The following MCPH1 variants were observed in gnomAD, a reference collection of about 807,000 sequenced individuals.
The protein encoded by MCPH1 is microcephalin 1.
MCPH1 carries 104 observed loss-of-function variants against 84.5 expected under a neutral mutation model. That is an observed-to-expected ratio of 1.23 (90% CI 1.05 to 1.45). The LOEUF is 1.45. MCPH1 is among the 40% of genes most tolerant of loss of function. The pLI, the probability that MCPH1 is intolerant of heterozygous loss-of-function variation, is 0.00. For synonymous variants in MCPH1, 514 were observed against 366.8 expected (o/e 1.40, Z -4.58); for missense variants, 1,498 against 1,005.7 (o/e 1.49, Z -6.62).
intron 12 of MCPH1, among the ~76,000 whole-genome samples, chr8:6,565,013 G>C (rs1442737209): frequency 6.6e-6 from 1 of 152,146 alleles, no homozygotes; most frequent in Non-Finnish European, 1.5e-5. Flanking sequence ...TCTGGACATG[G>C]TTTCCACTAA....
rs1798282576 is a variant in MCPH1 at position 6,647,759 on chromosome 8, G to A, written c.*4710G>A. The A allele has an allele frequency of 6.6e-6, 1 of 152,206 alleles. No homozygotes were observed. The highest frequency in any genetic ancestry group is 1.5e-5 in the Non-Finnish European group (1 of 68,024). The allele number at this position is 152,206 out of a possible 1,614,324, so 9.4% of individuals were successfully genotyped here. A position where few individuals can be genotyped will look rare whatever the true frequency, so the allele number is the denominator to read the frequency against. ...TTCATGGTCTGCTGCAGCTGGGGAT[G>A]GGAGTGGGAACAGAGAGCAAACATT... On this transcript the variant is annotated 3_prime_UTR_variant, in exon 14 of 14. Coordinates refer to ENST00000344683, the MANE Select transcript of MCPH1 (RefSeq NM_024596.5).
At chr8:6,516,705 AATG>A (rs1227234434) in intron 12 of MCPH1, among the ~76,000 whole-genome samples, 1 of 152,190 alleles carries the variant, frequency 6.6e-6, no homozygotes, top group Non-Finnish European at 1.5e-5. Context: ...CTGTATCCTA[AATG>A]GTATGCTCTT....
intron 12 of MCPH1, among the ~76,000 whole-genome samples, chr8:6,544,539 C>T (rs995832849): frequency 5.9e-5 from 9 of 152,134 alleles, no homozygotes; most frequent in East Asian, 5.8e-4. Flanking sequence ...AAGTCATTTT[C>T]GGAGAGAGTT....
At chr8:6,423,327 G>T (rs1298963208) in intron 3 of MCPH1, among the ~76,000 whole-genome samples, 6 of 149,708 alleles carry the variant, frequency 4.0e-5, no homozygotes, top group South Asian at 4.2e-4. Context: ...ACCACGCCTG[G>T]CTAATTTTTT....
At chr8:6,435,719 A>G (rs892031252) in intron 4 of MCPH1, among the ~76,000 whole-genome samples, 1 of 152,206 alleles carries the variant, frequency 6.6e-6, no homozygotes, top group African/African-American at 2.4e-5. Flanking sequence ...AAGTTGAACT[A>G]GATTGGGCTG....
intron 12 of MCPH1, chr8:6,513,757 G>A (rs1052008387): frequency 6.2e-7 from 1 of 1,613,818 alleles, no homozygotes; most frequent in African/African-American, 1.3e-5. Context: ...TCTTTAAGGT[G>A]TATTTTAAGC....
chr8:6,481,650 T>C (rs1332365791), intron 11 of MCPH1, among the ~76,000 whole-genome samples: 2 of 152,224 alleles, frequency 1.3e-5, no homozygotes, highest in Non-Finnish European at 2.9e-5. Context: ...AAGCTACACA[T>C]GTATTTTCAA....
At chr8:6,598,877 C>G (rs1829143522) in intron 12 of MCPH1, among the ~76,000 whole-genome samples, 1 of 152,248 alleles carries the variant, frequency 6.6e-6, no homozygotes, top group African/African-American at 2.4e-5. Flanking sequence ...TGTAACTTTC[C>G]AAAATGCATT....
chr8:6,460,633 A>T (rs1282905549), intron 9 of MCPH1, among the ~76,000 whole-genome samples: 1 of 151,548 alleles, frequency 6.6e-6, no homozygotes, highest in African/African-American at 2.4e-5. Flanking sequence ...GCTCCCCTCA[A>T]TTTCTGTTTT....
intron 13 of MCPH1, among the ~76,000 whole-genome samples, chr8:6,628,431 C>A (rs192854008): frequency 7.4e-6 from 1 of 135,312 alleles, no homozygotes; most frequent in Non-Finnish European, 1.5e-5. Flanking sequence ...GATCACGCCA[C>A]TGCACTCCAG....
chr8:6,534,785 A>G (rs769705259), intron 12 of MCPH1, among the ~76,000 whole-genome samples: 3 of 152,164 alleles, frequency 2.0e-5, no homozygotes, highest in Non-Finnish European at 4.4e-5. Context: ...AGTGTGTGTG[A>G]TCTTTCTTAA....
chr8:6,503,852 G>A (rs574924989), intron 12 of MCPH1, among the ~76,000 whole-genome samples: 109 of 152,300 alleles, frequency 7.2e-4, no homozygotes, highest in African/African-American at 2.6e-3. Flanking sequence ...CTGTGGGAGT[G>A]AAGCCCCATC....
intron 11 of MCPH1, among the ~76,000 whole-genome samples, chr8:6,495,900 TTTG>T (rs1227929924): frequency 6.6e-6 from 1 of 152,220 alleles, no homozygotes; most frequent in Non-Finnish European, 1.5e-5. Context: ...AACTATCAGA[TTTG>T]ATTTTTAATT....
chr8:6,508,877 C>G, intron 12 of MCPH1: 2 of 1,612,600 alleles, frequency 1.2e-6, no homozygotes, highest in South Asian at 1.1e-5. Flanking sequence ...CAGCCTTTCC[C>G]TCTATGAAAT....
chr8:6,515,626 A>T (rs1816119991), intron 12 of MCPH1, among the ~76,000 whole-genome samples: 1 of 152,246 alleles, frequency 6.6e-6, no homozygotes, highest in East Asian at 1.9e-4. Flanking sequence ...AACCCCTGAA[A>T]ATAAGATTAC....
At chr8:6,619,914 A>T (rs575149155) in intron 12 of MCPH1, among the ~76,000 whole-genome samples, 1 of 152,308 alleles carries the variant, frequency 6.6e-6, no homozygotes, top group African/African-American at 2.4e-5. Flanking sequence ...TTTTGAATGT[A>T]TGTGTGTCCT....
intron 12 of MCPH1, among the ~76,000 whole-genome samples, chr8:6,611,666 T>G (rs961669830): frequency 3.3e-5 from 5 of 152,154 alleles, no homozygotes; most frequent in African/African-American, 4.8e-5. Context: ...TCTCCCAGGC[T>G]GGAGTGCAGT....
chr8:6,584,992 A>T (rs937008134), intron 12 of MCPH1, among the ~76,000 whole-genome samples: 22 of 152,226 alleles, frequency 1.4e-4, no homozygotes, highest in African/African-American at 4.1e-4. Flanking sequence ...AAGGCTCATG[A>T]AGCAGTAGAT....
At chr8:6,446,385 C>G in intron 8 of MCPH1, 1 of 984,914 alleles carries the variant, frequency 1.0e-6, no homozygotes. Context: ...TTTTAACTGC[C>G]TCTTTGAAGG....
Sources: gnomAD v4.1 joint callset for allele counts (sites outside exome capture counted in the v4.1 genomes callset) on GRCh38, gnomAD v4.1.1 for gene constraint, MANE v1.5 for transcripts, NCBI Gene and HGNC (gene_info 2026-07-23, HGNC 2026-07-21) for gene names.